Variants in PTH1R observed in about 807,000 individuals in gnomAD.
PTH1R encodes parathyroid hormone/parathyroid hormone-related peptide receptor.
PTH1R carries 32 observed loss-of-function variants against 70.7 expected under a neutral mutation model. The ratio of observed to expected loss-of-function variants is 0.45; its 90% CI spans 0.34 to 0.61. The LOEUF is 0.61. PTH1R is among the 20% of genes least tolerant of loss of function. PTH1R has a pLI of 0.01. For synonymous variants in PTH1R, 329 were observed against 324.8 expected, an observed-to-expected ratio of 1.01 and a Z score of -0.14; for missense variants, 626 against 792.5, an observed-to-expected ratio of 0.79 and a Z score of 2.52.
In PTH1R at chr3:46,903,781, A is replaced by G; in HGVS notation, c.*125A>G. The G allele has an allele frequency of 6.7e-7, 1 of 1,500,458 alleles. No individual in the cohort carries two copies. Among genetic ancestry groups the G allele is most frequent in the Non-Finnish European group, 8.9e-7 (1 of 1,118,188 alleles). 92.9% of individuals were successfully genotyped at this position (1,500,458 alleles called of 1,614,324 possible). ...AAAAACAGGGAAAAAAAGAAAAAAA[A>G]AAGAAAAAGGAAAAGGAAGCGGTGT... On this transcript the variant is annotated 3_prime_UTR_variant, in exon 16 of 16. Coordinates refer to ENST00000449590, the MANE Select transcript of PTH1R (RefSeq NM_000316.3). The surrounding 1 kb of genome is among the most constrained non-coding windows in gnomAD (Gnocchi z 4.4).
intron 10 of PTH1R, 119 bp from the exon 11 acceptor site, chr3:46,900,906 C>A: frequency 8.9e-7 from 1 of 1,121,508 alleles, no homozygotes; most frequent in Non-Finnish European, 1.3e-6. Flanking sequence ...GGACCAAGTG[C>A]CCAGTGTCAG....
chr3:46,900,775 T>C (rs1228392824), intron 10 of PTH1R, among the ~76,000 whole-genome samples: 1 of 152,140 alleles, frequency 6.6e-6, no homozygotes, highest in Admixed American at 6.5e-5. Context: ...TTGTACCCCA[T>C]ATATGTGCAT....
rs988526031 is a variant in PTH1R, at chr3:46,899,410, C to T, written c.942C>T (p.Phe314=). Residue 314 remains phenylalanine, a synonymous_variant, in exon 10 of 16, where the codon TTC becomes TTT. Transcript: ENST00000449590. The stretch of plus-strand genomic sequence containing the variant: ...TGCACAGCCTCATCTTCATGGCCTT[C>T]TTCTCAGAGAAGAAGTACCTGTGGG... ...LYLHSLIFMA[F]FSEKKYLWGF... is the part of the protein sequence containing the mutation. The T allele has an allele frequency of 1.9e-6, 3 of 1,613,764 alleles. No individual in the cohort carries two copies. Among genetic ancestry groups the T allele is most frequent in the African/African-American group, 1.3e-5 (1 of 75,056 alleles).
chr3:46,902,498 C>G lies in PTH1R; in HGVS notation c.1212-28C>G. 1 of 1,606,124 alleles carries G rather than the reference C, an allele frequency of 6.2e-7. No homozygotes were observed. The highest frequency in any genetic ancestry group is 8.5e-7 in the Non-Finnish European group (1 of 1,177,446). ...GCTTGTTGAAGGGGAAGTGGCTTGG[C>G]CCTGACCTACCTGCCCCGCTGGCCC... is the stretch of plus-strand genomic sequence containing the variant. On this transcript the variant is annotated intron_variant, in intron 13 of 15. Coordinates refer to ENST00000449590, the MANE Select transcript of PTH1R (RefSeq NM_000316.3). The surrounding 1 kb of genome is among the most constrained non-coding windows in gnomAD (Gnocchi z 5.4).
chr3:46,888,803 G>C (rs907278360), intron 3 of PTH1R, among the ~76,000 whole-genome samples: 1 of 152,184 alleles, frequency 6.6e-6, no homozygotes, highest in South Asian at 2.1e-4. Context: ...CCACCAGGTC[G>C]TAGCAGCCAA....
Position 46,899,305 on chromosome 3 carries a change from G to A in PTH1R, c.837G>A (p.Ala279=), listed in dbSNP as rs1307308968. ...ACTAACACCAGCTGGTCTCTTAGGCGGGCTGCAGGGTGGCTGTGACCTTCT... is the reference window on the plus strand; with the variant it reads ...ACTAACACCAGCTGGTCTCTTAGGCAGGCTGCAGGGTGGCTGTGACCTTCT... The part of the protein sequence containing the change: ...PPPATAAAGY[A]GCRVAVTFFL... Residue 279 remains alanine, a splice_region_variant and synonymous_variant, in exon 10 of 16, where the codon GCG becomes GCA. Transcript: ENST00000449590. The A allele has an allele frequency of 3.1e-6, 5 of 1,613,942 alleles. No homozygotes were observed. The highest frequency in any genetic ancestry group is 2.2e-5 in the East Asian group (1 of 44,878).
At chr3:46,878,965 G>A (rs1194807549) in intron 1 of PTH1R, among the ~76,000 whole-genome samples, 1 of 152,202 alleles carries the variant, frequency 6.6e-6, no homozygotes. Flanking sequence ...ACACTAACCA[G>A]AAACTGACTC....
rs2106959872 is a variant in PTH1R, at chr3:46,884,039, A to G, written c.75+405A>G. Among the ~76,000 whole-genome samples, 1 of 152,328 alleles carries G rather than the reference A, an allele frequency of 6.6e-6. No individual in the cohort carries two copies. Among genetic ancestry groups the G allele is most frequent in the Middle Eastern group, 3.4e-3 (1 of 294 alleles). On this transcript the variant is annotated intron_variant, in intron 3 of 15. Coordinates refer to ENST00000449590, the MANE Select transcript of PTH1R (RefSeq NM_000316.3). This position sits in a 1 kb window ranked among gnomAD's most constrained non-coding sequence, Gnocchi z 4.8. ...TGCAAGTTTTGTTGCAGTCCCGGAC[A>G]CAGGGAATGTAGGTCTGAGGTCAGA...
At chr3:46,899,163 G>GC (rs1305305580) in intron 9 of PTH1R, 140 bp from the exon 10 acceptor site, 30 of 1,114,042 alleles carry the variant, frequency 2.7e-5, no homozygotes, top group Non-Finnish European at 3.6e-5. Flanking sequence ...CCCTGAGAGA[G>GC]CCCCCCAAAC....
rs752518399 is a variant in PTH1R at position 46,898,403 on chromosome 3, T to G, written c.569T>G (p.Ile190Ser). The change falls in exon 8 of 16, where the codon ATT becomes AGT. Residue 190 changes from isoleucine to serine, a missense_variant. Physicochemically the swap from Ile to Ser is moderately radical, Grantham distance 142. Transcript: ENST00000449590. ...GAGGTGTTTGACCGCCTGGGCATGATTTACACCGTGGGCTACTCCGTGTCC... is the reference window on the plus strand; with the variant it reads ...GAGGTGTTTGACCGCCTGGGCATGAGTTACACCGTGGGCTACTCCGTGTCC... ...EREVFDRLGM[I>S]YTVGYSVSLA... 6.2e-7 allele frequency: 1 copy of G among 1,613,584 alleles called. No homozygotes were observed. Among genetic ancestry groups the G allele is most frequent in the Non-Finnish European group, 8.5e-7 (1 of 1,179,898 alleles).
In PTH1R at chr3:46,903,611, G is replaced by A. The variant is rs1179815490; in HGVS notation, c.1737G>A (p.Glu579=). ...TGGACGAGGAGGCCTCTGGGCCTGA[G>A]CGGCCACCTGCCCTGCTACAGGAAG... ...SGLDEEASGP[E]RPPALLQEEW... Residue 579 remains glutamate (E), a synonymous_variant, in exon 16 of 16, where the codon GAG becomes GAA. Coordinates refer to ENST00000449590, the MANE Select transcript of PTH1R (RefSeq NM_000316.3). This position sits in a 1 kb window ranked among gnomAD's most constrained non-coding sequence, Gnocchi z 4.4. The A allele has an allele frequency of 1.9e-6, 3 of 1,612,972 alleles. No individual in the cohort carries two copies. Among genetic ancestry groups the A allele is most frequent in the African/African-American group, 1.3e-5 (1 of 75,058 alleles).
rs542189072 is a variant in PTH1R at position 46,891,022 on chromosome 3, C to T, written c.76-2885C>T. Among the ~76,000 whole-genome samples the T allele has an allele frequency of 3.2e-4, 48 of 152,308 alleles. No individual in the cohort carries two copies. The South Asian group carries it at 9.8e-3, about 31-fold the overall frequency. ...TGAGCTAACGTTTGGAGGGGTAGCG[C>T]ACTTGGTGTGGGGTTGTCCTCCTCT... On this transcript the variant is annotated intron_variant, in intron 3 of 15. Coordinates refer to ENST00000449590, the MANE Select transcript of PTH1R (RefSeq NM_000316.3). This position sits in a 1 kb window ranked among gnomAD's most constrained non-coding sequence, Gnocchi z 4.3.
At chr3:46,887,107 G>A (rs1343152904) in intron 3 of PTH1R, among the ~76,000 whole-genome samples, 1 of 151,954 alleles carries the variant, frequency 6.6e-6, no homozygotes, top group African/African-American at 2.4e-5. Flanking sequence ...ACGCGTGGTG[G>A]TACGTGCCTG....
rs569193915 is a variant in PTH1R at position 46,896,221 on chromosome 3, G to A, written c.313+352G>A. Reference sequence around the variant, plus strand: ...CAGACAGATAGTGACAGAGAAAGACGGGGAGAGGCATGGAGACAGAGATCA... The same window carrying A: ...CAGACAGATAGTGACAGAGAAAGACAGGGAGAGGCATGGAGACAGAGATCA... On this transcript the variant is annotated intron_variant, in intron 5 of 15. Coordinates refer to ENST00000449590, the MANE Select transcript of PTH1R (RefSeq NM_000316.3). The surrounding 1 kb of genome is among the most constrained non-coding windows in gnomAD (Gnocchi z 4.1). Among the ~76,000 whole-genome samples, 115 of 152,118 alleles carry A rather than the reference G, an allele frequency of 7.6e-4. 1 individual carries two copies. In the East Asian group the frequency reaches 0.02, roughly 26 times the overall value.
Position 46,898,136 on chromosome 3 carries a change from A to C in PTH1R, c.487A>C (p.Thr163Pro), listed in dbSNP as rs1173630630. The change falls in exon 7 of 16, where the codon ACG becomes CCG. Residue 163 changes from threonine to proline, a missense_variant. This residue lies in a region of PTH1R where 495 missense variants were observed against 638.7 expected (regional missense o/e 0.77). Coordinates refer to ENST00000449590, the MANE Select transcript of PTH1R (RefSeq NM_000316.3). The part of the protein sequence containing the change: ...SWELVPGHNR[T>P]WANYSECVKF... The stretch of plus-strand genomic sequence containing the variant: ...GGAGCTGGTGCCTGGGCACAACAGG[A>C]CGTGGGCCAACTACAGCGAGTGTGT... 1 of 1,614,064 alleles carries C rather than the reference A, an allele frequency of 6.2e-7. No homozygotes were observed. Among genetic ancestry groups the C allele is most frequent in the African/African-American group, 1.3e-5 (1 of 74,930 alleles).
chr3:46,897,242 A>G (rs1428729787), intron 5 of PTH1R, among the ~76,000 whole-genome samples: 2 of 152,238 alleles, frequency 1.3e-5, no homozygotes, highest in Non-Finnish European at 2.9e-5. Flanking sequence ...CCTGTGTTGT[A>G]TGACCTCAGC....
chr3:46,895,080 A>AC (rs1559533280), intron 4 of PTH1R, among the ~76,000 whole-genome samples: 4 of 106,420 alleles, frequency 3.8e-5, no homozygotes, highest in African/African-American at 1.1e-4. Context: ...AAAAACAAAA[A>AC]AAACAAACAA....
At chr3:46,886,991 C>T (rs2031077636) in intron 3 of PTH1R, among the ~76,000 whole-genome samples, 1 of 151,936 alleles carries the variant, frequency 6.6e-6, no homozygotes, top group African/African-American at 2.4e-5. Context: ...CACCTGTAAT[C>T]CTAACACTTT....
At chr3:46,889,647 G>C (rs1164696200) in intron 3 of PTH1R, among the ~76,000 whole-genome samples, 1 of 152,218 alleles carries the variant, frequency 6.6e-6, no homozygotes, top group Non-Finnish European at 1.5e-5. Context: ...GGAGGGTATT[G>C]AAGCCAAGCA....
Sources: allele counts gnomAD v4.1 joint callset (sites outside exome capture counted in the v4.1 genomes callset), GRCh38; gene constraint gnomAD v4.1.1; regional missense constraint gnomAD v4.1.1; non-coding constraint Gnocchi (gnomAD v3.1); transcripts MANE v1.5; gene names NCBI Gene and HGNC (gene_info 2026-07-23, HGNC 2026-07-21).